CYP7B1: variants seen among roughly 807,000 people sequenced by gnomAD.
CYP7B1 encodes the protein cytochrome P450 7B1.
In CYP7B1, 29 loss-of-function variants were observed where a neutral mutation model predicts 42.7. The observed-to-expected ratio is 0.68, with a 90% confidence interval of 0.51 to 0.93. CYP7B1 has a LOEUF of 0.93. CYP7B1 is among the 40% of genes least tolerant of loss of function. The pLI is 0.00. For synonymous variants in CYP7B1, 235 were observed against 218.2 expected, an observed-to-expected ratio of 1.08 and a Z score of -0.68; for missense variants, 655 against 600.5, an observed-to-expected ratio of 1.09 and a Z score of -0.95.
intron 1 of CYP7B1, among the ~76,000 whole-genome samples, chr8:64,769,919 T>C (rs914637129): frequency 2.6e-5 from 4 of 152,138 alleles, no homozygotes; most frequent in African/African-American, 9.7e-5. Context: ...CACAGAACAA[T>C]ACGGGGACAA....
chr8:64,596,564 A>T lies in CYP7B1; in HGVS notation c.*78T>A. 7.3e-7 allele frequency: 1 copy of T among 1,364,640 alleles called. No individual in the cohort carries two copies. Among genetic ancestry groups the T allele is most frequent in the Non-Finnish European group, 1.0e-6 (1 of 991,744 alleles). The allele number at this position is 1,364,640 out of a possible 1,614,324, so 84.5% of individuals were successfully genotyped here. A position where few individuals can be genotyped will look rare whatever the true frequency, so the allele number is the denominator to read the frequency against. On this transcript the variant is annotated 3_prime_UTR_variant, in exon 6 of 6. Coordinates refer to ENST00000310193, the MANE Select transcript of CYP7B1 (RefSeq NM_004820.5). ...AAACAAATAAATCAATTACATTTGC[A>T]GAAATTAAAAAGAAATAGATGAGCT...
At chr8:64,788,020 T>C (rs1038736779) in intron 1 of CYP7B1, among the ~76,000 whole-genome samples, 3 of 152,144 alleles carry the variant, frequency 2.0e-5, no homozygotes, top group African/African-American at 7.2e-5. Flanking sequence ...CAAGATCCAA[T>C]CACTTCCCAC....
chr8:64,709,300 TTCTA>T (rs763824933), intron 1 of CYP7B1, among the ~76,000 whole-genome samples: 17 of 152,360 alleles, frequency 1.1e-4, no homozygotes, highest in South Asian at 4.1e-4. Context: ...ATCTTTTGAT[TTCTA>T]TCTTTCTTTC....
rs528190413 is a variant in CYP7B1, at chr8:64,745,163, T to G, written c.122+53303A>C. Among the ~76,000 whole-genome samples the G allele has an allele frequency of 9.2e-5, 14 of 152,322 alleles. No homozygotes were observed. The South Asian group carries it at 2.9e-3, about 32-fold the overall frequency. ...AAGGACAACCAAAAAGCTTAAATGT[T>G]AATGGGTAAGATACAGCATTCCGGT... On this transcript the variant is annotated intron_variant, in intron 1 of 5. Transcript: ENST00000310193.
chr8:64,727,006 A>C (rs973341157), intron 1 of CYP7B1, among the ~76,000 whole-genome samples: 2 of 152,154 alleles, frequency 1.3e-5, no homozygotes, highest in African/African-American at 4.8e-5. Context: ...GGGATGAAGG[A>C]GCATGAACCT....
At chr8:64,611,111 G>T (rs1156892516) in intron 4 of CYP7B1, among the ~76,000 whole-genome samples, 1 of 152,004 alleles carries the variant, frequency 6.6e-6, no homozygotes, top group Non-Finnish European at 1.5e-5. Context: ...TGCACATCAT[G>T]CCTGGCTTTG....
chr8:64,756,050 T>C (rs1291690455), intron 1 of CYP7B1, among the ~76,000 whole-genome samples: 1 of 152,216 alleles, frequency 6.6e-6, no homozygotes, highest in East Asian at 1.9e-4. Context: ...TCCACCTGTG[T>C]GCTTTATACC....
intron 1 of CYP7B1, among the ~76,000 whole-genome samples, chr8:64,629,710 C>T (rs1019340144): frequency 6.6e-6 from 1 of 152,166 alleles, no homozygotes; most frequent in African/African-American, 2.4e-5. Flanking sequence ...TTCATAGTAC[C>T]TCTTGGAACT....
intron 1 of CYP7B1, among the ~76,000 whole-genome samples, chr8:64,762,899 A>C (rs1321485033): frequency 5.9e-5 from 9 of 152,256 alleles, no homozygotes. Flanking sequence ...ATAAATAGGT[A>C]CACATAGTGC....
In CYP7B1 at chr8:64,719,442, G is replaced by A. The variant is rs1328114475; in HGVS notation, c.122+79024C>T. ...AAAAGAAGTCTAAAATTTTAAAAGCGAAACTGAGTTTATCAGCTAGGACAG... is the reference window on the plus strand; with the variant it reads ...AAAAGAAGTCTAAAATTTTAAAAGCAAAACTGAGTTTATCAGCTAGGACAG... On this transcript the variant is annotated intron_variant, in intron 1 of 5. Transcript: ENST00000310193. 3.9e-5 allele frequency among the ~76,000 whole-genome samples: 6 copies of A among 152,154 alleles called. No individual in the cohort carries two copies. In the East Asian group the frequency reaches 5.8e-4, roughly 15 times the overall value.
In CYP7B1 at chr8:64,624,531, C is replaced by T. The variant is rs756751053; in HGVS notation, c.131G>A (p.Gly44Asp). 1.9e-6 allele frequency: 3 copies of T among 1,613,136 alleles called. No homozygotes were observed. The change falls in exon 2 of 6, where the codon GGT becomes GAT. Residue 44 changes from glycine to aspartate, a missense_variant. By Grantham distance (94) the Gly-to-Asp change is moderately conservative. Coordinates refer to ENST00000310193, the MANE Select transcript of CYP7B1 (RefSeq NM_004820.5). ...CLLVRRTRRP[G>D]EPPLIKGWLP... ...CCAACCTTTTATCAATGGAGGCTCA[C>T]CGGGTCTCCTACAAGGAAAAAAAAA...
intron 1 of CYP7B1, among the ~76,000 whole-genome samples, chr8:64,625,652 G>A (rs918569513): frequency 6.6e-6 from 1 of 152,154 alleles, no homozygotes; most frequent in Admixed American, 6.5e-5. Flanking sequence ...CAGTGGAACA[G>A]GCCAAATCTG....
At chr8:64,678,002 G>C (rs1049343483) in intron 1 of CYP7B1, among the ~76,000 whole-genome samples, 4 of 151,918 alleles carry the variant, frequency 2.6e-5, no homozygotes, top group Non-Finnish European at 5.9e-5. Context: ...CTGTCTTTCT[G>C]GATACTCTGG....
rs145245007 is a variant in CYP7B1, at chr8:64,615,809, T to C, written c.732A>G (p.Lys244=). The C allele has an allele frequency of 2.5e-6, 4 of 1,613,674 alleles. No homozygotes were observed. In the African/African-American group the frequency reaches 5.3e-5, roughly 22 times the overall value. ...LLGNVKSIRE[K]IIKCFSSEKL... Reference sequence around the variant, plus strand: ...TTTCTGATGAGAAGCATTTTATAATTTTCTCTCTAATAGACTTGACATTTC... The same window carrying C: ...TTTCTGATGAGAAGCATTTTATAATCTTCTCTCTAATAGACTTGACATTTC... The change falls in exon 3 of 6, where the codon AAA becomes AAG. Residue 244 remains lysine (K), a synonymous_variant. Transcript: ENST00000310193.
chr8:64,726,522 TG>T lies in CYP7B1; in HGVS notation c.122+71943del, dbSNP rs374383965. On this transcript the variant is annotated intron_variant, in intron 1 of 5. Coordinates refer to ENST00000310193, the MANE Select transcript of CYP7B1 (RefSeq NM_004820.5). ...ACGGGCACTAGATTGAAGTCAGGGT[TG>T]CTGGCTGTGGCTTTGCCCTTCCATT... 2.2e-3 allele frequency among the ~76,000 whole-genome samples: 341 copies of T among 152,308 alleles called. 3 individuals are homozygous for T. The highest frequency in any genetic ancestry group is 7.6e-3 in the African/African-American group (314 of 41,562).
chr8:64,628,717 G>A (rs1805644162), intron 1 of CYP7B1, among the ~76,000 whole-genome samples: 2 of 152,054 alleles, frequency 1.3e-5, no homozygotes, highest in South Asian at 4.2e-4. Flanking sequence ...TACTGGAGAA[G>A]AATCTAAATA....
At chr8:64,638,117 T>C (rs1805800405) in intron 1 of CYP7B1, among the ~76,000 whole-genome samples, 1 of 152,166 alleles carries the variant, frequency 6.6e-6, no homozygotes, top group African/African-American at 2.4e-5. Context: ...CTATTAAACA[T>C]AGTTTCTTGG....
chr8:64,784,716 T>C (rs1306672260), intron 1 of CYP7B1, among the ~76,000 whole-genome samples: 1 of 152,192 alleles, frequency 6.6e-6, no homozygotes, highest in Non-Finnish European at 1.5e-5. Flanking sequence ...TGTGCAAATA[T>C]AACTCTGAAC....
intron 1 of CYP7B1, among the ~76,000 whole-genome samples, chr8:64,637,884 G>C (rs552710173): frequency 1.3e-5 from 2 of 152,088 alleles, no homozygotes; most frequent in African/African-American, 4.8e-5. Context: ...CAGACATATG[G>C]TCCTGTAATT....
Sources: gnomAD v4.1 joint callset for allele counts (sites outside exome capture counted in the v4.1 genomes callset) on GRCh38, gnomAD v4.1.1 for gene constraint, MANE v1.5 for transcripts, NCBI Gene and HGNC (gene_info 2026-07-23, HGNC 2026-07-21) for gene names.